Variants in ISLR2 observed in about 807,000 individuals in gnomAD.
The protein encoded by ISLR2 is immunoglobulin superfamily containing leucine rich repeat 2, also known as immunoglobulin superfamily containing leucine-rich repeat protein 2.
A neutral mutation model predicts 25.5 loss-of-function variants in ISLR2; 16 were observed. That is an observed-to-expected ratio of 0.63 (90% CI 0.43 to 0.95). ISLR2 has a LOEUF of 0.95. ISLR2 is among the 40% of genes least tolerant of loss of function. The probability of loss-of-function intolerance (pLI) is 0.00; values close to 1 mark genes in which losing one functional copy is unlikely to be tolerated. For synonymous variants in ISLR2, 508 were observed against 486.6 expected, an observed-to-expected ratio of 1.04 and a Z score of -0.58; for missense variants, 883 against 1,030.7, an observed-to-expected ratio of 0.86 and a Z score of 1.96.
chr15:74,140,418 A>G (rs976474652), downstream of ISLR2, among the ~76,000 whole-genome samples: 3 of 152,184 alleles, frequency 2.0e-5, no homozygotes, highest in South Asian at 4.1e-4. Context: ...GCATCTTGCT[A>G]TGACTACCCT....
Position 74,134,546 on chromosome 15 carries a change from G to C in ISLR2, c.1792G>C (p.Val598Leu). The C allele has an allele frequency of 1.2e-6, 2 of 1,614,138 alleles. No individual in the cohort carries two copies. The highest frequency in any genetic ancestry group is 1.3e-5 in the African/African-American group (1 of 75,076). ...GCTGCTGGTCATAGTGGCAGTGAGC[G>C]TATTCCTCCTGGTGCTGGCCACAGT... The part of the protein sequence containing the change: ...PSLLVIVAVS[V>L]FLLVLATVPL... Residue 598 changes from valine to leucine, a missense_variant, in exon 3 of 3, where the codon GTA becomes CTA. This residue lies in a region of ISLR2 where 612 missense variants were observed against 642.8 expected (regional missense o/e 0.95). Coordinates refer to ENST00000453268, the MANE Select transcript of ISLR2 (RefSeq NM_020851.3).
At chr15:74,117,260 A>C (rs113403689) in intron 2 of ISLR2, among the ~76,000 whole-genome samples, 2 of 152,284 alleles carry the variant, frequency 1.3e-5, no homozygotes, top group Non-Finnish European at 2.9e-5. Context: ...TTTTTCTAAG[A>C]ATACCCAGCC....
At chr15:74,128,673 G>A (rs1180885458), upstream of ISLR2, 9 of 456,076 alleles carry the variant, frequency 2.0e-5, no homozygotes, top group Non-Finnish European at 4.0e-5. Flanking sequence ...AACCGGCGGA[G>A]GGCCTTGAGC....
At chr15:74,125,660 T>C (rs1267481738), upstream of ISLR2, among the ~76,000 whole-genome samples, 1 of 152,238 alleles carries the variant, frequency 6.6e-6, no homozygotes, top group East Asian at 1.9e-4. Flanking sequence ...CTGTTAATTT[T>C]GATGGCAATA....
chr15:74,108,096 C>A (rs1246937736), intron 2 of ISLR2, among the ~76,000 whole-genome samples: 3 of 152,170 alleles, frequency 2.0e-5, no homozygotes, highest in African/African-American at 7.2e-5. Context: ...TGATGAGGCT[C>A]AGGGAGGGGC....
downstream of ISLR2, among the ~76,000 whole-genome samples, chr15:74,140,838 G>A (rs992080196): frequency 5.9e-5 from 9 of 152,342 alleles, no homozygotes; most frequent in African/African-American, 1.9e-4. Flanking sequence ...TCAATGATAA[G>A]ATTTTGCCTT....
Position 74,135,081 on chromosome 15 carries a change from G to GTCCCCAACCTTCACCTACTCC in ISLR2, c.*95_*115dup. The GTCCCCAACCTTCACCTACTCC allele has an allele frequency of 6.8e-7, 1 of 1,472,254 alleles. No homozygotes were observed. Among genetic ancestry groups the GTCCCCAACCTTCACCTACTCC allele is most frequent in the Non-Finnish European group, 9.2e-7 (1 of 1,083,410 alleles). The allele number at this position is 1,472,254 out of a possible 1,614,324, so 91.2% of individuals were successfully genotyped here. A position where few individuals can be genotyped will look rare whatever the true frequency, so the allele number is the denominator to read the frequency against. On this transcript the variant is annotated 3_prime_UTR_variant, in exon 3 of 3. Transcript: ENST00000453268. Reference sequence around the variant, plus strand: ...AGGGCTGGCAGGACTTATGTCCCCCGTCCCCAACCTTCACCTACTCCTCCC... The same window carrying GTCCCCAACCTTCACCTACTCC: ...AGGGCTGGCAGGACTTATGTCCCCCGTCCCCAACCTTCACCTACTCCTCCCCAACCTTCACCTACTCCTCCC...
At chr15:74,117,284 A>G (rs1410529222) in intron 2 of ISLR2, among the ~76,000 whole-genome samples, 1 of 152,170 alleles carries the variant, frequency 6.6e-6, no homozygotes, top group Non-Finnish European at 1.5e-5. Context: ...CCTACAATCC[A>G]TGAGCTATAG....
At chr15:74,136,860 G>A (rs2141968436), downstream of ISLR2, 1 of 166,726 alleles carries the variant, frequency 6.0e-6, no homozygotes, top group South Asian at 2.1e-4. Context: ...CGATGAAGGA[G>A]GAAACCGCGG....
intron 2 of ISLR2, among the ~76,000 whole-genome samples, chr15:74,120,596 T>A (rs904370309): frequency 1.3e-5 from 2 of 151,570 alleles, no homozygotes; most frequent in Non-Finnish European, 2.9e-5. Context: ...TGGCTGGGTT[T>A]ACGGTGGTGC....
At chr15:74,141,708 G>C (rs1343947040), downstream of ISLR2, among the ~76,000 whole-genome samples, 2 of 152,152 alleles carry the variant, frequency 1.3e-5, no homozygotes, top group South Asian at 2.1e-4. Context: ...AGAAACCAAA[G>C]AGCACAGAGG....
At chr15:74,111,968 A>G (rs934477544) in intron 2 of ISLR2, among the ~76,000 whole-genome samples, 4 of 152,326 alleles carry the variant, frequency 2.6e-5, no homozygotes, top group Non-Finnish European at 5.9e-5. Flanking sequence ...ATTGTTAGAT[A>G]TTGTTCTACA....
At chr15:74,116,074 G>A (rs1375355288) in intron 2 of ISLR2, among the ~76,000 whole-genome samples, 1 of 151,788 alleles carries the variant, frequency 6.6e-6, no homozygotes, top group African/African-American at 2.4e-5. Flanking sequence ...GCATGCACCT[G>A]TAGTCCCAGC....
chr15:74,139,596 T>C (rs1180176824), downstream of ISLR2, among the ~76,000 whole-genome samples: 1 of 152,158 alleles, frequency 6.6e-6, no homozygotes, highest in Non-Finnish European at 1.5e-5. Context: ...GAATCAGTTG[T>C]TTAGCAGTTT....
In ISLR2 at chr15:74,134,551, C is replaced by A. The variant is rs1324754612; in HGVS notation, c.1797C>A (p.Phe599Leu). The stretch of plus-strand genomic sequence containing the variant: ...TGGTCATAGTGGCAGTGAGCGTATT[C>A]CTCCTGGTGCTGGCCACAGTGCCCC... ...SLLVIVAVSV[F>L]LLVLATVPLL... is the part of the protein sequence containing the mutation. The change falls in exon 3 of 3, where the codon TTC (phenylalanine) becomes TTA (leucine). Residue 599 changes from phenylalanine to leucine, a missense_variant. Transcript: ENST00000453268. The A allele has an allele frequency of 1.9e-6, 3 of 1,614,026 alleles. No individual in the cohort carries two copies. Among genetic ancestry groups the A allele is most frequent in the Non-Finnish European group, 2.5e-6 (3 of 1,180,040 alleles).
At chr15:74,124,882 A>C (rs1046797620), upstream of ISLR2, among the ~76,000 whole-genome samples, 6 of 152,228 alleles carry the variant, frequency 3.9e-5, no homozygotes, top group African/African-American at 1.4e-4. Context: ...AGGGTGGCAG[A>C]GGGGAGAGAT....
At chr15:74,138,821 T>C (rs1488999851), downstream of ISLR2, among the ~76,000 whole-genome samples, 1 of 152,212 alleles carries the variant, frequency 6.6e-6, no homozygotes, top group African/African-American at 2.4e-5. Flanking sequence ...ACCTGTTTTG[T>C]TCTACCTGCA....
downstream of ISLR2, among the ~76,000 whole-genome samples, chr15:74,140,876 T>G (rs2072607608): frequency 6.6e-6 from 1 of 152,236 alleles, no homozygotes; most frequent in Admixed American, 6.5e-5. Context: ...AACATTATAT[T>G]GAAAATGAAA....
upstream of ISLR2, chr15:74,127,493 G>C (rs1023333289): frequency 1.3e-5 from 2 of 152,292 alleles, no homozygotes; most frequent in Non-Finnish European, 2.9e-5. Context: ...TAGTGGACCA[G>C]AGGTTGCTGA....
Sources: allele counts gnomAD v4.1 joint callset (sites outside exome capture counted in the v4.1 genomes callset), GRCh38; gene constraint gnomAD v4.1.1; regional missense constraint gnomAD v4.1.1; transcripts MANE v1.5; gene names NCBI Gene and HGNC (gene_info 2026-07-23, HGNC 2026-07-21).